TEX36: variants seen among roughly 807,000 people sequenced by gnomAD.
TEX36 encodes testis-expressed protein 36.
TEX36 carries 12 observed loss-of-function variants against 13.6 expected under a neutral mutation model. The observed-to-expected ratio is 0.88, with a 90% CI of 0.56 to 1.43. The LOEUF is 1.43. Ranked by LOEUF, TEX36 falls within the 40% of genes most tolerant of loss-of-function variation. TEX36 has a pLI of 0.00. For missense variants in TEX36, 224 were observed against 228.3 expected, an observed-to-expected ratio of 0.98 and a Z score of 0.12; for synonymous variants, 93 against 83.0, an observed-to-expected ratio of 1.12 and a Z score of -0.65.
At chr10:125,618,248 C>T (rs971910675), downstream of TEX36, among the ~76,000 whole-genome samples, 62 of 152,314 alleles carry the variant, frequency 4.1e-4, no homozygotes, top group African/African-American at 1.0e-3. Context: ...TCCCGTAGCT[C>T]GGAGTAATTT....
At chr10:125,672,269 T>C (rs760587925) in intron 1 of TEX36, among the ~76,000 whole-genome samples, 1 of 152,204 alleles carries the variant, frequency 6.6e-6, no homozygotes, top group African/African-American at 2.4e-5. Flanking sequence ...GGGCATTTGG[T>C]GCTATAAGTT....
chr10:125,623,150 C>A (rs1236493625), intron 3 of TEX36, among the ~76,000 whole-genome samples: 1 of 152,220 alleles, frequency 6.6e-6, no homozygotes, highest in Non-Finnish European at 1.5e-5. Flanking sequence ...TTTGCCCCAA[C>A]CCTGCAAAGT....
chr10:125,632,143 G>A (rs1390895870), intron 3 of TEX36, among the ~76,000 whole-genome samples: 1 of 152,040 alleles, frequency 6.6e-6, no homozygotes, highest in Non-Finnish European at 1.5e-5. Flanking sequence ...CCCAGGCTTG[G>A]GGCTTTGGTG....
Position 125,656,128 on chromosome 10 carries a change from T to C in TEX36, c.333A>G (p.Ala111=). ...QHVSRNFNLW[A]CDYVPSCLDG... ...CAAGACAAGATGGAACATAGTCACA[T>C]GCCCAGAGATTAAAATTTCTTGAAA... Residue 111 remains alanine (A), a synonymous_variant, in exon 4 of 4, where the codon GCA becomes GCG. Coordinates refer to ENST00000368821, the MANE Select transcript of TEX36 (RefSeq NM_001128202.3). 6.5e-7 allele frequency: 1 copy of C among 1,548,680 alleles called. No individual in the cohort carries two copies. Among genetic ancestry groups the C allele is most frequent in the East Asian group, 2.4e-5 (1 of 40,898 alleles).
At chr10:125,592,296 T>C (rs1589744517) in intron 3 of TEX36, among the ~76,000 whole-genome samples, 1 of 152,226 alleles carries the variant, frequency 6.6e-6, no homozygotes, top group South Asian at 2.1e-4. Flanking sequence ...AGACGTGCGT[T>C]AGGCCACCAG....
chr10:125,583,478 A>C (rs1467884499), intron 3 of TEX36, among the ~76,000 whole-genome samples: 1 of 152,214 alleles, frequency 6.6e-6, no homozygotes, highest in Non-Finnish European at 1.5e-5. Context: ...TTTTGTTTTG[A>C]ATGCTGCATG....
downstream of TEX36, among the ~76,000 whole-genome samples, chr10:125,652,008 G>T (rs1485852533): frequency 6.6e-6 from 1 of 152,160 alleles, no homozygotes; most frequent in Non-Finnish European, 1.5e-5. Flanking sequence ...CAAACAAATG[G>T]AAGAACATTC....
chr10:125,638,734 G>T (rs1254064293), intron 3 of TEX36, among the ~76,000 whole-genome samples: 3 of 152,212 alleles, frequency 2.0e-5, no homozygotes, highest in African/African-American at 7.2e-5. Context: ...GAACTGAGCT[G>T]GTCTGCAGCC....
Position 125,598,309 on chromosome 10 carries a change from T to C in TEX36, c.265-21435A>G, listed in dbSNP as rs142991641. ...GTAAGCTCACCACAACGCTTCAGGGTAGCAACAGTGGAGGAAACAGGATTA... is the reference window on the plus strand; with the variant it reads ...GTAAGCTCACCACAACGCTTCAGGGCAGCAACAGTGGAGGAAACAGGATTA... On this transcript the variant is annotated intron_variant, in intron 3 of 3. Coordinates refer to the TEX36 transcript ENST00000532135. 5.9e-3 allele frequency among the ~76,000 whole-genome samples: 903 copies of C among 152,324 alleles called. 4 individuals carry two copies. The highest frequency in any genetic ancestry group is 0.014 in the Middle Eastern group (4 of 294).
At chr10:125,673,297 G>C (rs1295508538) in intron 1 of TEX36, among the ~76,000 whole-genome samples, 1 of 152,182 alleles carries the variant, frequency 6.6e-6, no homozygotes, top group Non-Finnish European at 1.5e-5. Flanking sequence ...GCTCTTGCAA[G>C]GTAGGCCTGG....
intron 3 of TEX36, among the ~76,000 whole-genome samples, chr10:125,637,516 A>G (rs901983339): frequency 2.0e-5 from 3 of 152,036 alleles, no homozygotes; most frequent in Non-Finnish European, 4.4e-5. Context: ...TTCACATCTT[A>G]GCGATTGTGA....
chr10:125,652,656 A>G (rs746417096), downstream of TEX36, among the ~76,000 whole-genome samples: 1 of 152,220 alleles, frequency 6.6e-6, no homozygotes, highest in Non-Finnish European at 1.5e-5. Context: ...CAAACTAAAG[A>G]GCTTCTGCAC....
chr10:125,673,855 T>C (rs1847270666), intron 1 of TEX36, among the ~76,000 whole-genome samples: 1 of 152,140 alleles, frequency 6.6e-6, no homozygotes, highest in Non-Finnish European at 1.5e-5. Flanking sequence ...ACCTTAACAT[T>C]TTTTCCTTCA....
intron 3 of TEX36, among the ~76,000 whole-genome samples, chr10:125,631,416 G>C (rs1244944565): frequency 6.6e-6 from 1 of 152,188 alleles, no homozygotes; most frequent in East Asian, 1.9e-4. Context: ...TATGACGGAG[G>C]AGAGCCCTGT....
chr10:125,639,221 C>T lies in TEX36; in HGVS notation c.265-17576G>A, dbSNP rs1846654751. On this transcript the variant is annotated intron_variant, in intron 3 of 3. Transcript: ENST00000526819. ...GAGATAATATGTATCCAATACTAAA[C>T]ACATTTCTATATTTATCTTCTCACT... Among the ~76,000 whole-genome samples, 2 of 152,120 alleles carry T rather than the reference C, an allele frequency of 1.3e-5. 1 individual carries two copies. Among genetic ancestry groups the T allele is most frequent in the South Asian group, 4.1e-4 (2 of 4,824 alleles).
At chr10:125,603,357 G>A (rs967034749) in intron 3 of TEX36, among the ~76,000 whole-genome samples, 1 of 152,132 alleles carries the variant, frequency 6.6e-6, no homozygotes, top group Non-Finnish European at 1.5e-5. Context: ...GGGCAGGGCA[G>A]AGGTCACAGT....
rs569780607 is a variant in TEX36, at chr10:125,594,430, G to C, written c.265-17556C>G. On this transcript the variant is annotated intron_variant, in intron 3 of 3. Transcript: ENST00000532135. The stretch of plus-strand genomic sequence containing the variant: ...TCATACTGATGAAAAGTGTATGCTT[G>C]AGCTCTCATATACTCAGCAACACAG... Among the ~76,000 whole-genome samples the C allele has an allele frequency of 3.9e-4, 59 of 152,304 alleles. 1 individual carries two copies. The highest frequency in any genetic ancestry group is 2.0e-3 in the Admixed American group (30 of 15,300).
At chr10:125,630,017 A>G (rs77508759) in intron 3 of TEX36, among the ~76,000 whole-genome samples, 2,632 of 152,308 alleles carry the variant, frequency 0.017, 76 homozygotes, top group African/African-American at 0.058. Flanking sequence ...AAGACATACA[A>G]TATTCCAAGT....
chr10:125,593,840 T>C (rs2133535405), intron 3 of TEX36, among the ~76,000 whole-genome samples: 1 of 152,332 alleles, frequency 6.6e-6, no homozygotes, highest in East Asian at 1.9e-4. Flanking sequence ...TGGATGGCGG[T>C]GATGATTGCA....
Sources: allele counts gnomAD v4.1 joint callset (sites outside exome capture counted in the v4.1 genomes callset), GRCh38; gene constraint gnomAD v4.1.1; transcripts MANE v1.5; gene names NCBI Gene and HGNC (gene_info 2026-07-23, HGNC 2026-07-21).